ZNF804A: variants seen among roughly 807,000 people sequenced by gnomAD.
The protein encoded by ZNF804A is zinc finger protein 804A.
A neutral mutation model predicts 16.5 loss-of-function variants in ZNF804A; 2 were observed. The observed-to-expected ratio is 0.12, with a 90% CI of 0.05 to 0.38. ZNF804A has a LOEUF of 0.38. Ranked by LOEUF, ZNF804A falls within the 10% of genes least tolerant of loss-of-function variation. The pLI, the probability that ZNF804A is intolerant of heterozygous loss-of-function variation, is 0.99. For synonymous variants in ZNF804A, 534 were observed against 489.6 expected (o/e 1.09, Z -1.20); for missense variants, 1,473 against 1,390.7 (o/e 1.06, Z -0.94).
intron 1 of ZNF804A, among the ~76,000 whole-genome samples, chr2:184,863,750 TA>T (rs1695834425): frequency 6.6e-6 from 1 of 152,202 alleles, no homozygotes; most frequent in African/African-American, 2.4e-5. Context: ...ATTAGAATGT[TA>T]TCTCTGCCTC....
chr2:184,735,092 T>C (rs1693585720), intron 1 of ZNF804A, among the ~76,000 whole-genome samples: 1 of 152,194 alleles, frequency 6.6e-6, no homozygotes, highest in Non-Finnish European at 1.5e-5. Context: ...GTAGTGGATC[T>C]TGTTTTTTAA....
intron 1 of ZNF804A, among the ~76,000 whole-genome samples, chr2:184,635,214 T>A (rs1248723897): frequency 6.6e-6 from 1 of 152,158 alleles, no homozygotes; most frequent in Non-Finnish European, 1.5e-5. Flanking sequence ...AGCTATTCTT[T>A]CACAGTACAA....
At chr2:184,636,225 T>C (rs1691693399) in intron 1 of ZNF804A, among the ~76,000 whole-genome samples, 1 of 132,028 alleles carries the variant, frequency 7.6e-6, no homozygotes, top group South Asian at 2.3e-4. Context: ...CTCAATGGCT[T>C]TTTTTTTAAT....
intron 1 of ZNF804A, among the ~76,000 whole-genome samples, chr2:184,621,541 A>G (rs1318884892): frequency 6.6e-6 from 1 of 151,638 alleles, no homozygotes; most frequent in Non-Finnish European, 1.5e-5. Flanking sequence ...ATATTCATTT[A>G]TTTCTATATT....
intron 2 of ZNF804A, among the ~76,000 whole-genome samples, chr2:184,923,210 T>G (rs1054975396): frequency 1.3e-5 from 2 of 151,974 alleles, no homozygotes; most frequent in African/African-American, 4.8e-5. Context: ...CTTTTTGGAG[T>G]CCTCTTCAAT....
intron 1 of ZNF804A, among the ~76,000 whole-genome samples, chr2:184,736,592 G>C (rs1693617187): frequency 6.6e-6 from 1 of 152,038 alleles, no homozygotes; most frequent in African/African-American, 2.4e-5. Flanking sequence ...GGGTGGTGGG[G>C]ACGAGGGGAG....
chr2:184,745,272 G>A (rs530670713), intron 1 of ZNF804A, among the ~76,000 whole-genome samples: 33 of 151,598 alleles, frequency 2.2e-4, no homozygotes, highest in South Asian at 1.5e-3. Flanking sequence ...TAGTGTTCCC[G>A]GTTTTACAAA....
chr2:184,923,839 T>G (rs879209180), intron 2 of ZNF804A, among the ~76,000 whole-genome samples: 1 of 152,056 alleles, frequency 6.6e-6, no homozygotes, highest in Admixed American at 6.6e-5. Context: ...CCTGTTGATA[T>G]GATGTATCAC....
intron 1 of ZNF804A, among the ~76,000 whole-genome samples, chr2:184,672,472 G>C (rs545127529): frequency 7.9e-5 from 12 of 152,206 alleles, no homozygotes; most frequent in Admixed American, 6.5e-4. Flanking sequence ...GTGGAAATTT[G>C]TTCCCAGATA....
intron 1 of ZNF804A, among the ~76,000 whole-genome samples, chr2:184,633,749 A>G (rs932087947): frequency 3.3e-5 from 5 of 152,200 alleles, no homozygotes; most frequent in Non-Finnish European, 7.3e-5. Context: ...CAAAGCAAAG[A>G]CAACCTGAAT....
intron 1 of ZNF804A, among the ~76,000 whole-genome samples, chr2:184,847,610 A>G (rs1175485342): frequency 6.6e-6 from 1 of 152,072 alleles, no homozygotes; most frequent in Non-Finnish European, 1.5e-5. Context: ...TTCAGACACC[A>G]CATACGTGGG....
intron 1 of ZNF804A, among the ~76,000 whole-genome samples, chr2:184,798,004 ATATG>A (rs1191434878): frequency 4.6e-4 from 57 of 123,440 alleles, no homozygotes; most frequent in East Asian, 1.1e-3. Flanking sequence ...CATGGCTGAT[ATATG>A]TGTGTGTGTG....
chr2:184,650,345 T>C (rs1192017310), intron 1 of ZNF804A, among the ~76,000 whole-genome samples: 1 of 152,014 alleles, frequency 6.6e-6, no homozygotes. Context: ...AAACCTGTAG[T>C]GAACATCACT....
Position 184,935,928 on chromosome 2 carries a change from A to G in ZNF804A, c.532A>G (p.Lys178Glu), listed in dbSNP as rs201799996. The part of the protein sequence containing the change: ...YTLIHSEENT[K>E]DATTVAEDPE... ...TTTGATTCATAGTGAAGAGAATACT[A>G]AAGATGCTACCACTGTTGCTGAAGA... is the stretch of plus-strand genomic sequence containing the variant. The change falls in exon 4 of 4, where the codon AAA becomes GAA. Residue 178 changes from lysine (K) to glutamate (E), a missense_variant. Physicochemically the swap from Lys to Glu is moderately conservative, Grantham distance 56. Transcript: ENST00000302277. The G allele has an allele frequency of 2.0e-4, 319 of 1,613,850 alleles. 1 individual carries two copies. The highest frequency in any genetic ancestry group is 9.9e-5 in the South Asian group (9 of 91,078).
At chr2:184,857,596 T>C (rs1695718478) in intron 1 of ZNF804A, among the ~76,000 whole-genome samples, 1 of 152,158 alleles carries the variant, frequency 6.6e-6, no homozygotes. Context: ...CTAATATTAT[T>C]ATATTATAGT....
At position 184,936,618 on chromosome 2, in the gene ZNF804A, A is replaced by G. The variant is rs1685792974; in HGVS notation, c.1222A>G (p.Asn408Asp). 6.2e-7 allele frequency: 1 copy of G among 1,613,962 alleles called. No homozygotes were observed. Among genetic ancestry groups the G allele is most frequent in the South Asian group, 1.1e-5 (1 of 91,088 alleles). Reference protein sequence around the residue: ...TLAPSNTEEVNITIHKKTNFC... With the variant: ...TLAPSNTEEVDITIHKKTNFC... ...GGCCCCTTCAAATACTGAAGAGGTT[A>G]ACATAACTATACATAAGAAAACAAA... Residue 408 changes from asparagine (N) to aspartate (D), a missense_variant, in exon 4 of 4, where the codon AAC (asparagine) becomes GAC (aspartate). Physicochemically the swap from Asn to Asp is conservative, Grantham distance 23. Transcript: ENST00000302277.
intron 1 of ZNF804A, among the ~76,000 whole-genome samples, chr2:184,673,832 T>C (rs1267124928): frequency 6.6e-6 from 1 of 152,192 alleles, no homozygotes; most frequent in Admixed American, 6.5e-5. Flanking sequence ...CTGCCACTAC[T>C]TCCAAGGACA....
intron 1 of ZNF804A, among the ~76,000 whole-genome samples, chr2:184,709,739 C>A (rs1295913240): frequency 1.3e-5 from 2 of 150,828 alleles, no homozygotes; most frequent in Non-Finnish European, 3.0e-5. Flanking sequence ...AAAAAACATT[C>A]TTGGCTCCAA....
intron 1 of ZNF804A, among the ~76,000 whole-genome samples, chr2:184,628,515 G>A (rs537735585): frequency 3.6e-4 from 54 of 152,056 alleles, no homozygotes; most frequent in African/African-American, 1.3e-3. Flanking sequence ...ACAGACATTT[G>A]TATCCAGATA....
Sources: allele counts gnomAD v4.1 joint callset (sites outside exome capture counted in the v4.1 genomes callset), GRCh38; gene constraint gnomAD v4.1.1; transcripts MANE v1.5; gene names NCBI Gene and HGNC (gene_info 2026-07-23, HGNC 2026-07-21).